The following NUBPL variants were observed in gnomAD, a reference collection of about 807,000 sequenced individuals.
The protein encoded by NUBPL is iron-sulfur cluster transfer protein NUBPL.
NUBPL carries 31 observed loss-of-function variants against 45.7 expected under a neutral mutation model. That is an observed-to-expected ratio of 0.68 (90% CI 0.51 to 0.92). The LOEUF (loss-of-function observed/expected upper bound fraction) is 0.92. Ranked by LOEUF, NUBPL falls within the 40% of genes least tolerant of loss-of-function variation. The pLI is 0.00. For synonymous variants in NUBPL, 144 were observed against 140.9 expected, an observed-to-expected ratio of 1.02 and a Z score of -0.15; for missense variants, 401 against 398.7, an observed-to-expected ratio of 1.01 and a Z score of -0.05.
intron 4 of NUBPL, among the ~76,000 whole-genome samples, chr14:31,652,381 G>A (rs1210998054): frequency 6.6e-6 from 1 of 152,092 alleles, no homozygotes; most frequent in Non-Finnish European, 1.5e-5. Flanking sequence ...TGTACAGCGT[G>A]GGGACTGTAG....
At chr14:31,765,424 G>T (rs923411499) in intron 6 of NUBPL, among the ~76,000 whole-genome samples, 2 of 152,168 alleles carry the variant, frequency 1.3e-5, no homozygotes, top group Non-Finnish European at 2.9e-5. Flanking sequence ...CTCATTGAGA[G>T]AAATTTTAAT....
intron 4 of NUBPL, among the ~76,000 whole-genome samples, chr14:31,651,909 A>G (rs2036016950): frequency 6.6e-6 from 1 of 151,874 alleles, no homozygotes; most frequent in Non-Finnish European, 1.5e-5. Flanking sequence ...AAAAAAAAAA[A>G]AAAAGAAAAA....
chr14:31,624,569 T>G (rs1313799868), intron 4 of NUBPL, among the ~76,000 whole-genome samples: 2 of 152,256 alleles, frequency 1.3e-5, no homozygotes, highest in Non-Finnish European at 2.9e-5. Context: ...CTTTATTTAT[T>G]TATTTATTTA....
chr14:31,680,704 A>G (rs1278439145), intron 6 of NUBPL, among the ~76,000 whole-genome samples: 1 of 151,864 alleles, frequency 6.6e-6, no homozygotes, highest in African/African-American at 2.4e-5. Flanking sequence ...GTATTCGCAT[A>G]CAATCTACAC....
chr14:31,581,977 A>G (rs984306676), intron 3 of NUBPL, among the ~76,000 whole-genome samples: 4 of 152,218 alleles, frequency 2.6e-5, no homozygotes, highest in Non-Finnish European at 5.9e-5. Flanking sequence ...TAATGTTTTA[A>G]TTGATATAGC....
chr14:31,666,263 A>ATATATATATATATATATATTATT, intron 4 of NUBPL, among the ~76,000 whole-genome samples: 1 of 111,888 alleles, frequency 8.9e-6, no homozygotes, highest in Non-Finnish European at 1.9e-5. Context: ...ATATATATAT[A>ATATATATATATATATATATTATT]ATTTTATTTT....
intron 4 of NUBPL, among the ~76,000 whole-genome samples, chr14:31,624,554 A>G (rs1041027752): frequency 1.3e-5 from 2 of 152,074 alleles, no homozygotes; most frequent in Non-Finnish European, 2.9e-5. Flanking sequence ...AGCAATGACT[A>G]AAGACTTTAT....
chr14:31,799,910 A>C (rs2039552743), intron 7 of NUBPL, among the ~76,000 whole-genome samples: 1 of 152,224 alleles, frequency 6.6e-6, no homozygotes, highest in Admixed American at 6.5e-5. Flanking sequence ...CATTTAACCC[A>C]TAGTAGAATA....
chr14:31,668,780 T>C (rs1007060075), intron 4 of NUBPL, among the ~76,000 whole-genome samples: 1 of 152,164 alleles, frequency 6.6e-6, no homozygotes, highest in Non-Finnish European at 1.5e-5. Flanking sequence ...AGGGCTTCCC[T>C]TGGCTAAGGG....
chr14:31,831,036 T>TTTAA (rs2040180749), intron 8 of NUBPL, among the ~76,000 whole-genome samples: 1 of 59,948 alleles, frequency 1.7e-5, no homozygotes, highest in African/African-American at 3.7e-5. Context: ...CCCTAATCCT[T>TTTAA]TTTATTTATT....
rs537078430 is a variant in NUBPL, at chr14:31,647,334, G to GT, written c.383-26016dup. 2.1e-3 allele frequency among the ~76,000 whole-genome samples: 320 copies of GT among 151,988 alleles called. 1 individual carries two copies. The highest frequency in any genetic ancestry group is 7.4e-3 in the African/African-American group (305 of 41,470). On this transcript the variant is annotated intron_variant, in intron 4 of 10. Transcript: ENST00000281081. Reference sequence around the variant, plus strand: ...AGTCTTCCGTCTCTGGCTTGCTTTGGTTTTTATTGGATATGTTTCTTTAGA... The same window carrying GT: ...AGTCTTCCGTCTCTGGCTTGCTTTGGTTTTTTATTGGATATGTTTCTTTAGA...
chr14:31,580,853 G>A (rs2033843180), intron 3 of NUBPL, among the ~76,000 whole-genome samples: 1 of 152,156 alleles, frequency 6.6e-6, no homozygotes, highest in Non-Finnish European at 1.5e-5. Context: ...TGATTGGAGT[G>A]GTCTAGGGGA....
At chr14:31,745,265 T>C (rs1263537953) in intron 6 of NUBPL, among the ~76,000 whole-genome samples, 1 of 152,004 alleles carries the variant, frequency 6.6e-6, no homozygotes, top group African/African-American at 2.4e-5. Flanking sequence ...AATGTTCTCA[T>C]TGTTCAATTC....
At position 31,850,219 on chromosome 14, in the gene NUBPL, A is replaced by T. The variant is rs2040517193; in HGVS notation, c.897+18A>T. 1.3e-6 allele frequency: 2 copies of T among 1,589,314 alleles called. No homozygotes were observed. The highest frequency in any genetic ancestry group is 1.3e-5 in the African/African-American group (1 of 74,440). On this transcript the variant is annotated intron_variant, in intron 10 of 10. Coordinates refer to ENST00000281081, the MANE Select transcript of NUBPL (RefSeq NM_025152.3). ...GTGATGAGGTAAGTTCCATTTTTGGATACATATTTTTATTTCTTTTTATGT... is the reference window on the plus strand; with the variant it reads ...GTGATGAGGTAAGTTCCATTTTTGGTTACATATTTTTATTTCTTTTTATGT...
rs116269092 is a variant in NUBPL, at chr14:31,760,353, T to C, written c.514-27427T>C. The stretch of plus-strand genomic sequence containing the variant: ...ATTTTTTATAGAGATGGGGTTTTGC[T>C]GCGTTGCCAGTCTGGTGTCAAACTC... On this transcript the variant is annotated intron_variant, in intron 6 of 10. Transcript: ENST00000281081. 6.5e-3 allele frequency among the ~76,000 whole-genome samples: 992 copies of C among 151,926 alleles called. 12 individuals carry two copies. The highest frequency in any genetic ancestry group is 0.022 in the African/African-American group (930 of 41,428).
chr14:31,647,640 A>G (rs756235053), intron 4 of NUBPL, among the ~76,000 whole-genome samples: 5 of 152,204 alleles, frequency 3.3e-5, no homozygotes, highest in Admixed American at 1.3e-4. Context: ...GTTACAGATC[A>G]GAGTTTCCAG....
chr14:31,830,928 T>C (rs2040179136), intron 8 of NUBPL, among the ~76,000 whole-genome samples: 1 of 152,210 alleles, frequency 6.6e-6, no homozygotes, highest in African/African-American at 2.4e-5. Flanking sequence ...CATGCTTTTT[T>C]CCTACTGGAG....
intron 6 of NUBPL, among the ~76,000 whole-genome samples, chr14:31,730,675 C>T (rs2038031168): frequency 6.6e-6 from 1 of 151,962 alleles, no homozygotes; most frequent in African/African-American, 2.4e-5. Flanking sequence ...ACCGTGTTAG[C>T]CAGGATGGTC....
At chr14:31,807,957 G>C (rs987623637) in intron 7 of NUBPL, among the ~76,000 whole-genome samples, 2 of 151,992 alleles carry the variant, frequency 1.3e-5, no homozygotes, top group Admixed American at 6.6e-5. Context: ...ATTTCTGAGG[G>C]CTCTGTTCTG....
Sources: allele counts gnomAD v4.1 joint callset (sites outside exome capture counted in the v4.1 genomes callset), GRCh38; gene constraint gnomAD v4.1.1; transcripts MANE v1.5; gene names NCBI Gene and HGNC (gene_info 2026-07-23, HGNC 2026-07-21).